Variants in TTC27 observed in about 807,000 individuals in gnomAD.
TTC27 encodes the protein tetratricopeptide repeat protein 27.
TTC27 carries 79 observed loss-of-function variants against 115.9 expected under a neutral mutation model. The observed-to-expected ratio is 0.68, with a 90% CI of 0.57 to 0.82. The LOEUF (loss-of-function observed/expected upper bound fraction) is 0.82. TTC27 is among the 40% of genes least tolerant of loss of function. The pLI, the probability that TTC27 is intolerant of heterozygous loss-of-function variation, is 0.00. For synonymous variants in TTC27, 401 were observed against 356.0 expected (o/e 1.13, Z -1.42); for missense variants, 1,054 against 993.1 (o/e 1.06, Z -0.82).
intron 12 of TTC27, among the ~76,000 whole-genome samples, chr2:32,752,257 TA>T (rs1366106364): frequency 6.6e-6 from 1 of 152,198 alleles, no homozygotes; most frequent in African/African-American, 2.4e-5. Context: ...ATTTAAAATG[TA>T]AAAGGAATAT....
intron 4 of TTC27, among the ~76,000 whole-genome samples, chr2:32,645,236 A>C (rs760088724): frequency 3.9e-5 from 6 of 152,190 alleles, no homozygotes; most frequent in Non-Finnish European, 8.8e-5. Context: ...AATTGGTACT[A>C]TGTAAGTGGT....
chr2:32,761,731 C>G (rs1269750864), intron 13 of TTC27, among the ~76,000 whole-genome samples: 3 of 152,158 alleles, frequency 2.0e-5, no homozygotes, highest in African/African-American at 7.2e-5. Context: ...AATCATACCC[C>G]TACCTTATAC....
In TTC27 at chr2:32,738,814, C is replaced by A. The variant is rs2151917568; in HGVS notation, c.1452+1998C>A. On this transcript the variant is annotated intron_variant, in intron 12 of 19. Transcript: ENST00000317907. The stretch of plus-strand genomic sequence containing the variant: ...TTTCTTTAAAAGCAGCAACCAAGTG[C>A]TTTATGAGAGTCAAGAAAGAAGGAT... Among the ~76,000 whole-genome samples the A allele has an allele frequency of 1.3e-5, 2 of 152,212 alleles. 1 individual carries two copies. The highest frequency in any genetic ancestry group is 4.1e-4 in the South Asian group (2 of 4,828).
chr2:32,748,626 T>A (rs566042822), intron 12 of TTC27, among the ~76,000 whole-genome samples: 1 of 152,222 alleles, frequency 6.6e-6, no homozygotes, highest in African/African-American at 2.4e-5. Flanking sequence ...TATTTGTGAT[T>A]GTTATATCTT....
At position 32,635,399 on chromosome 2, in the gene TTC27, C is replaced by G. The variant is rs80015117; in HGVS notation, c.396+1394C>G. On this transcript the variant is annotated intron_variant, in intron 3 of 19. Coordinates refer to ENST00000317907, the MANE Select transcript of TTC27 (RefSeq NM_017735.5). ...CCTGGTTTCTCAGAATTAGGTGTAG[C>G]AAGTAGGCCGGGCACAGTGGCTCAT... The G allele has an allele frequency of 7.0e-3, 1,069 of 153,566 alleles. 16 individuals carry two copies. Among genetic ancestry groups the G allele is most frequent in the Middle Eastern group, 0.045 (68 of 1,498 alleles). 9.5% of individuals were successfully genotyped at this position (153,566 alleles called of 1,614,324 possible). A position where few individuals can be genotyped will look rare whatever the true frequency, so the allele number is the denominator to read the frequency against.
intron 9 of TTC27, among the ~76,000 whole-genome samples, chr2:32,685,248 T>C (rs1441288928): frequency 1.3e-5 from 2 of 152,112 alleles, no homozygotes; most frequent in African/African-American, 4.8e-5. Context: ...CAGGCTGTTC[T>C]TGAACTCCTG....
intron 5 of TTC27, among the ~76,000 whole-genome samples, chr2:32,650,991 T>C (rs1272736191): frequency 6.6e-6 from 1 of 152,098 alleles, no homozygotes; most frequent in East Asian, 1.9e-4. Context: ...TTTGGGGATT[T>C]TTTTTTTGGC....
intron 11 of TTC27, 145 bp downstream of exon 11, chr2:32,734,068 T>C: frequency 2.0e-6 from 1 of 498,078 alleles, no homozygotes; most frequent in Non-Finnish European, 3.5e-6. Flanking sequence ...AATTGCTAAC[T>C]ACTTCAAATT....
In TTC27 at chr2:32,650,114, G is replaced by A. The variant is rs774008544; in HGVS notation, c.538-17G>A. The A allele has an allele frequency of 2.4e-5, 39 of 1,597,192 alleles. No individual in the cohort carries two copies. Among genetic ancestry groups the A allele is most frequent in the Non-Finnish European group, 2.9e-5 (34 of 1,166,602 alleles). On this transcript the variant is annotated splice_polypyrimidine_tract_variant and intron_variant, in intron 4 of 19. Coordinates refer to ENST00000317907, the MANE Select transcript of TTC27 (RefSeq NM_017735.5). The stretch of plus-strand genomic sequence containing the variant: ...AAAGTATCCTTTTATTTCAGCTTAC[G>A]TGGTGTTTTTTCCTAGAGCTTGCCA...
At chr2:32,695,577 T>C (rs566863463) in intron 9 of TTC27, among the ~76,000 whole-genome samples, 215 of 151,910 alleles carry the variant, frequency 1.4e-3, no homozygotes, top group African/African-American at 5.0e-3. Flanking sequence ...AAAGTAGCCA[T>C]GCGTGGTGGT....
intron 9 of TTC27, among the ~76,000 whole-genome samples, chr2:32,695,718 CAAAAAAAA>C (rs66677186): frequency 3.4e-5 from 1 of 29,728 alleles, no homozygotes; most frequent in Non-Finnish European, 5.5e-5. Flanking sequence ...GGCTCTATCT[CAAAAAAAA>C]AAAAAAAAAA....
At chr2:32,801,718 G>A (rs1245140486) in intron 16 of TTC27, among the ~76,000 whole-genome samples, 1 of 152,182 alleles carries the variant, frequency 6.6e-6, no homozygotes, top group Non-Finnish European at 1.5e-5. Flanking sequence ...GGAGCTGTTA[G>A]TGGTAGCAGA....
intron 5 of TTC27, among the ~76,000 whole-genome samples, chr2:32,659,226 T>C (rs1366411493): frequency 6.6e-6 from 1 of 152,162 alleles, no homozygotes; most frequent in Non-Finnish European, 1.5e-5. Flanking sequence ...TAGGTCTTCC[T>C]AAGCACTTGG....
At chr2:32,731,254 A>G (rs553530704) in intron 10 of TTC27, among the ~76,000 whole-genome samples, 2 of 150,674 alleles carry the variant, frequency 1.3e-5, no homozygotes, top group African/African-American at 4.9e-5. Context: ...ATGCCCGGCT[A>G]ATTTTTGTAT....
At chr2:32,669,089 A>T (rs1191050229) in intron 7 of TTC27, among the ~76,000 whole-genome samples, 1 of 152,048 alleles carries the variant, frequency 6.6e-6, no homozygotes, top group Non-Finnish European at 1.5e-5. Flanking sequence ...AAAAAAAAAA[A>T]TAAATCAATA....
chr2:32,695,776 G>T (rs1450469026), intron 9 of TTC27, among the ~76,000 whole-genome samples: 4 of 136,628 alleles, frequency 2.9e-5, no homozygotes, highest in Non-Finnish European at 6.2e-5. Context: ...GGTGCCTGTA[G>T]TCCCAGCTAC....
intron 12 of TTC27, among the ~76,000 whole-genome samples, chr2:32,748,721 C>T (rs1432875244): frequency 4.7e-5 from 7 of 149,056 alleles, no homozygotes; most frequent in South Asian, 2.1e-4. Flanking sequence ...GGAGTCTTGC[C>T]GTGTTGCCCA....
chr2:32,765,997 C>T (rs1428112451), intron 13 of TTC27, among the ~76,000 whole-genome samples: 2 of 152,122 alleles, frequency 1.3e-5, no homozygotes, highest in Non-Finnish European at 2.9e-5. Flanking sequence ...AAGGCCATTT[C>T]GCTTTCTTAT....
chr2:32,639,600 A>G (rs1664563351), intron 3 of TTC27, among the ~76,000 whole-genome samples: 1 of 152,232 alleles, frequency 6.6e-6, no homozygotes, highest in Non-Finnish European at 1.5e-5. Context: ...TACTATAAAT[A>G]CTTTAATATA....
Sources: gnomAD v4.1 joint callset for allele counts (sites outside exome capture counted in the v4.1 genomes callset) on GRCh38, gnomAD v4.1.1 for gene constraint, MANE v1.5 for transcripts, NCBI Gene and HGNC (gene_info 2026-07-23, HGNC 2026-07-21) for gene names.